The following RNGTT variants were observed in gnomAD, a reference collection of about 807,000 sequenced individuals.
The protein encoded by RNGTT is mRNA-capping enzyme.
A neutral mutation model predicts 79.3 loss-of-function variants in RNGTT; 33 were observed. That is an observed-to-expected ratio of 0.42 (90% CI 0.32 to 0.56). RNGTT has a LOEUF of 0.56. Among genes scored for constraint, RNGTT ranks in the 20% least tolerant of loss-of-function variants. The probability of loss-of-function intolerance (pLI) is 0.17; values close to 1 mark genes in which losing one functional copy is unlikely to be tolerated. For synonymous variants in RNGTT, 222 were observed against 235.9 expected, an observed-to-expected ratio of 0.94 and a Z score of 0.54; for missense variants, 497 against 739.1, an observed-to-expected ratio of 0.67 and a Z score of 3.80.
At chr6:88,854,296 G>GT (rs1469971230) in intron 8 of RNGTT, among the ~76,000 whole-genome samples, 1 of 152,046 alleles carries the variant, frequency 6.6e-6, no homozygotes, top group Non-Finnish European at 1.5e-5. Flanking sequence ...GGAATTCTAA[G>GT]TTTTTTATGG....
chr6:88,908,767 G>A (rs1029563780), intron 4 of RNGTT, among the ~76,000 whole-genome samples: 1 of 152,204 alleles, frequency 6.6e-6, no homozygotes, highest in Non-Finnish European at 1.5e-5. Flanking sequence ...TCTGCAGGGC[G>A]AAGAGAGTAA....
intron 13 of RNGTT, among the ~76,000 whole-genome samples, chr6:88,717,120 T>C (rs1010826453): frequency 2.0e-5 from 3 of 152,312 alleles, no homozygotes; most frequent in African/African-American, 4.8e-5. Context: ...AAAGGAGCTA[T>C]AGTGTAGTAA....
At chr6:88,820,204 G>A (rs1236542727) in intron 11 of RNGTT, among the ~76,000 whole-genome samples, 1 of 152,096 alleles carries the variant, frequency 6.6e-6, no homozygotes, top group Admixed American at 6.5e-5. Context: ...TATTACTGAT[G>A]ATGATGATAT....
At chr6:88,720,504 G>C (rs983727177) in intron 13 of RNGTT, among the ~76,000 whole-genome samples, 5 of 151,796 alleles carry the variant, frequency 3.3e-5, no homozygotes, top group African/African-American at 9.7e-5. Context: ...TCCAAACCCT[G>C]GACTTAATTA....
rs1001495735 is a variant in RNGTT, at chr6:88,924,000, G to A, written c.367+4985C>T. Among the ~76,000 whole-genome samples the A allele has an allele frequency of 7.2e-5, 11 of 152,178 alleles. No individual in the cohort carries two copies. In the East Asian group the frequency reaches 9.7e-4, roughly 13 times the overall value. On this transcript the variant is annotated intron_variant, in intron 4 of 15. Coordinates refer to ENST00000369485, the MANE Select transcript of RNGTT (RefSeq NM_003800.5). ...CCAGGGAGAGGAAGGGGAAGCCACC[G>A]GGAGGGGTACTCAAGTTATCCTGGA...
rs930765617 is a variant in RNGTT at position 88,759,353 on chromosome 6, A to T, written c.1439+10421T>A. The stretch of plus-strand genomic sequence containing the variant: ...ATCCTCCCTACCCGGCTCTAGAATA[A>T]GACATTTCTCTGAAGATCTCTGGTT... On this transcript the variant is annotated intron_variant, in intron 13 of 15. Transcript: ENST00000369485. Among the ~76,000 whole-genome samples the T allele has an allele frequency of 3.9e-5, 6 of 152,158 alleles. No individual in the cohort carries two copies. The South Asian group carries it at 8.3e-4, about 21-fold the overall frequency.
rs539522824 is a variant in RNGTT at position 88,805,852 on chromosome 6, G to A, written c.1270-4220C>T. Among the ~76,000 whole-genome samples, 4 of 152,262 alleles carry A rather than the reference G, an allele frequency of 2.6e-5. No homozygotes were observed. The East Asian group carries it at 5.8e-4, about 22-fold the overall frequency. On this transcript the variant is annotated intron_variant, in intron 11 of 15. Coordinates refer to ENST00000369485, the MANE Select transcript of RNGTT (RefSeq NM_003800.5). ...GAGCAGAGCCTACTGAAAGCTAAAC[G>A]TGAAACAGAAACACCAGGAGAAAAC...
intron 1 of RNGTT, among the ~76,000 whole-genome samples, chr6:88,942,037 C>G (rs1231647418): frequency 4.6e-5 from 7 of 152,000 alleles, no homozygotes; most frequent in Admixed American, 2.6e-4. Flanking sequence ...GTTGTCCAGG[C>G]TAGTCTCAAA....
rs1333218226 is a variant in RNGTT at position 88,946,660 on chromosome 6, C to T, written c.65-5480G>A. Among the ~76,000 whole-genome samples the T allele has an allele frequency of 2.6e-5, 4 of 151,414 alleles. No homozygotes were observed. In the South Asian group the frequency reaches 8.4e-4, roughly 32 times the overall value. On this transcript the variant is annotated intron_variant, in intron 1 of 15. Coordinates refer to ENST00000369485, the MANE Select transcript of RNGTT (RefSeq NM_003800.5). ...TCCCTCTCCCTCTCCCTCTCCCTCT[C>T]TCTCCCTCCCTCTCCCTCTCCCCAC...
chr6:88,746,717 T>G (rs1392668867), intron 13 of RNGTT, among the ~76,000 whole-genome samples: 1 of 152,194 alleles, frequency 6.6e-6, no homozygotes, highest in Non-Finnish European at 1.5e-5. Context: ...CTCCTGCTGT[T>G]GCAGCTTGGT....
chr6:88,937,579 T>C (rs534109571), intron 2 of RNGTT, among the ~76,000 whole-genome samples: 1 of 152,282 alleles, frequency 6.6e-6, no homozygotes, highest in African/African-American at 2.4e-5. Context: ...CTTTATTATT[T>C]CTTTCCTTCT....
chr6:88,816,224 G>A (rs1371635918), intron 11 of RNGTT, among the ~76,000 whole-genome samples: 1 of 152,078 alleles, frequency 6.6e-6, no homozygotes, highest in East Asian at 1.9e-4. Flanking sequence ...TCATTTTATT[G>A]TCATTAGGCT....
intron 14 of RNGTT, among the ~76,000 whole-genome samples, chr6:88,656,500 T>C (rs1187355117): frequency 1.3e-5 from 2 of 152,298 alleles, no homozygotes; most frequent in East Asian, 3.9e-4. Flanking sequence ...AGTATCTCTT[T>C]GGTTAATAGA....
At chr6:88,804,654 T>G (rs1779899007) in intron 11 of RNGTT, among the ~76,000 whole-genome samples, 1 of 152,202 alleles carries the variant, frequency 6.6e-6, no homozygotes, top group Non-Finnish European at 1.5e-5. Flanking sequence ...TATATTCATA[T>G]GAGATCATAT....
chr6:88,837,575 GA>G (rs916045282), intron 11 of RNGTT, among the ~76,000 whole-genome samples: 5 of 148,906 alleles, frequency 3.4e-5, no homozygotes, highest in East Asian at 2.0e-4. Flanking sequence ...AAAAAAGTTA[GA>G]AAAAAAAACT....
At chr6:88,752,679 T>C (rs974475946) in intron 13 of RNGTT, among the ~76,000 whole-genome samples, 1 of 152,108 alleles carries the variant, frequency 6.6e-6, no homozygotes, top group Non-Finnish European at 1.5e-5. Context: ...TTTTTAGAAG[T>C]GGGAATTCTC....
intron 12 of RNGTT, among the ~76,000 whole-genome samples, chr6:88,800,315 C>T (rs571183774): frequency 1.2e-4 from 19 of 152,180 alleles, no homozygotes; most frequent in East Asian, 5.8e-4. Flanking sequence ...AATGCTCCAA[C>T]GAGCATTTCC....
At chr6:88,904,563 A>T in intron 6 of RNGTT, 152 bp downstream of exon 6, 1 of 515,992 alleles carries the variant, frequency 1.9e-6, no homozygotes, top group Non-Finnish European at 2.8e-6. Flanking sequence ...CTTTCTCTCC[A>T]AAAAAAAAAA....
chr6:88,817,490 T>TAAAAAAAAAAAAAA (rs11354100), intron 11 of RNGTT, among the ~76,000 whole-genome samples: 111 of 44,108 alleles, frequency 2.5e-3, no homozygotes, highest in Admixed American at 3.9e-3. Context: ...AAAAAATAAG[T>TAAAAAAAAAAAAAA]AAAAAAAAAA....
Sources: gnomAD v4.1 joint callset for allele counts (sites outside exome capture counted in the v4.1 genomes callset) on GRCh38, gnomAD v4.1.1 for gene constraint, MANE v1.5 for transcripts, NCBI Gene and HGNC (gene_info 2026-07-23, HGNC 2026-07-21) for gene names.